CCDC171: variants seen among roughly 807,000 people sequenced by gnomAD.
CCDC171 encodes the protein coiled-coil domain-containing protein 171.
In CCDC171, 177 loss-of-function variants were observed where a neutral mutation model predicts 168.2. The ratio of observed to expected loss-of-function variants is 1.05; its 90% CI spans 0.93 to 1.19. The LOEUF (loss-of-function observed/expected upper bound fraction) is 1.19. Ranked by LOEUF, CCDC171 falls within the 50% of genes most tolerant of loss-of-function variation. CCDC171 has a pLI of 0.00. For synonymous variants in CCDC171, 687 were observed against 540.8 expected, an observed-to-expected ratio of 1.27 and a Z score of -3.75; for missense variants, 1,991 against 1,539.0, an observed-to-expected ratio of 1.29 and a Z score of -4.91.
chr9:15,906,893 A>T (rs1589077397), intron 24 of CCDC171, among the ~76,000 whole-genome samples: 1 of 152,192 alleles, frequency 6.6e-6, no homozygotes, highest in Admixed American at 6.5e-5. Flanking sequence ...ACAAGCAGAC[A>T]TCCAAATCAT....
At chr9:15,851,530 T>G (rs926269434) in intron 23 of CCDC171, among the ~76,000 whole-genome samples, 5 of 151,878 alleles carry the variant, frequency 3.3e-5, no homozygotes, top group South Asian at 2.1e-4. Flanking sequence ...AAACACACCC[T>G]TCTCTCTTGA....
At position 15,591,453 on chromosome 9, in the gene CCDC171, G is replaced by A. The variant is rs765528332; in HGVS notation, c.440G>A (p.Arg147Lys). Residue 147 changes from arginine to lysine, a missense_variant, in exon 5 of 26, where the codon AGA becomes AAA. By Grantham distance (26) the Arg-to-Lys change is conservative. Transcript: ENST00000380701. Reference sequence around the variant, plus strand: ...CAAAAATGGAAAGAAGAATGCAGAAGATTTGAACATGATTTGGAGGAAAGA... The same window carrying A: ...CAAAAATGGAAAGAAGAATGCAGAAAATTTGAACATGATTTGGAGGAAAGA... ...SQQKWKEECR[R>K]FEHDLEERDN... 38 of 1,608,510 alleles carry A rather than the reference G, an allele frequency of 2.4e-5. No individual in the cohort carries two copies. Among genetic ancestry groups the A allele is most frequent in the Non-Finnish European group, 3.1e-5 (36 of 1,176,948 alleles).
intron 5 of CCDC171, 72 bp from the exon 6 acceptor site, chr9:15,593,969 C>A: frequency 9.9e-7 from 1 of 1,014,806 alleles, no homozygotes; most frequent in Non-Finnish European, 1.5e-6. Context: ...CCTCTTTGTA[C>A]ATTTAAACTG....
chr9:15,810,077 G>C (rs145761785), intron 21 of CCDC171, among the ~76,000 whole-genome samples: 1 of 152,026 alleles, frequency 6.6e-6, no homozygotes, highest in African/African-American at 2.4e-5. Context: ...CACTAACCCC[G>C]AGCTAGACAC....
intron 6 of CCDC171, among the ~76,000 whole-genome samples, chr9:15,610,212 G>C (rs903138511): frequency 1.3e-5 from 2 of 150,504 alleles, no homozygotes; most frequent in Non-Finnish European, 3.0e-5. Context: ...TGATGGTCTT[G>C]TCTTCTTTTC....
intron 16 of CCDC171, among the ~76,000 whole-genome samples, chr9:15,732,599 C>G (rs2054220500): frequency 6.6e-6 from 1 of 152,092 alleles, no homozygotes; most frequent in Non-Finnish European, 1.5e-5. Flanking sequence ...ATTTGAGATT[C>G]AGTCACATTG....
chr9:15,662,476 C>T (rs2048390224), intron 8 of CCDC171, among the ~76,000 whole-genome samples: 1 of 152,150 alleles, frequency 6.6e-6, no homozygotes, highest in Non-Finnish European at 1.5e-5. Context: ...TTGCCTCACA[C>T]AGAGTTCCGT....
intron 23 of CCDC171, among the ~76,000 whole-genome samples, chr9:15,858,968 T>G (rs959317961): frequency 6.6e-6 from 1 of 152,072 alleles, no homozygotes; most frequent in African/African-American, 2.4e-5. Flanking sequence ...GTTCATGATT[T>G]TAGAGGAAAA....
chr9:15,799,165 T>TATATATATATAC (rs1323969229), intron 21 of CCDC171, among the ~76,000 whole-genome samples: 18 of 141,204 alleles, frequency 1.3e-4, no homozygotes, highest in African/African-American at 4.7e-4. Flanking sequence ...TATATATATA[T>TATATATATATAC]ACCATTTTGA....
At chr9:15,998,884 G>T (rs1275923397) in intron 3 of CCDC171, among the ~76,000 whole-genome samples, 1 of 152,142 alleles carries the variant, frequency 6.6e-6, no homozygotes, top group Admixed American at 6.5e-5. Flanking sequence ...ATCAGAACAG[G>T]AAAGATGGGT....
In CCDC171 at chr9:15,575,274, G is replaced by A. The variant is rs140928793; in HGVS notation, c.177+3515G>A. ...TGGTCTCGAACTCCTGGACTCAAGT[G>A]ATCTCCTACATCAGCCTCCTGAGGA... On this transcript the variant is annotated intron_variant, in intron 3 of 25. Coordinates refer to ENST00000380701, the MANE Select transcript of CCDC171 (RefSeq NM_173550.4). Among the ~76,000 whole-genome samples the A allele has an allele frequency of 2.0e-5, 3 of 147,476 alleles. No individual in the cohort carries two copies. In the East Asian group the frequency reaches 6.2e-4, roughly 30 times the overall value.
intron 16 of CCDC171, among the ~76,000 whole-genome samples, chr9:15,731,010 A>G (rs2054118228): frequency 6.6e-6 from 1 of 152,038 alleles, no homozygotes; most frequent in South Asian, 2.1e-4. Context: ...TAGAATGTGT[A>G]ATGCTCAAGC....
chr9:15,556,752 T>C (rs10810398), intron 1 of CCDC171, among the ~76,000 whole-genome samples: 61,923 of 150,626 alleles, frequency 0.41, 14,635 homozygotes, highest in East Asian at 0.83. Flanking sequence ...TAATTAGATC[T>C]CATTTGTCAA....
chr9:15,959,631 A>T (rs1830149913), intron 25 of CCDC171, among the ~76,000 whole-genome samples: 1 of 152,172 alleles, frequency 6.6e-6, no homozygotes, highest in African/African-American at 2.4e-5. Flanking sequence ...ATTTCAAACA[A>T]GTCTAGGCCT....
intron 25 of CCDC171, among the ~76,000 whole-genome samples, chr9:15,940,774 C>T (rs1827620860): frequency 6.6e-6 from 1 of 151,780 alleles, no homozygotes; most frequent in African/African-American, 2.4e-5. Flanking sequence ...GCCTCTAGTC[C>T]CAGCTACTCA....
chr9:15,610,072 T>A (rs1180739877), intron 6 of CCDC171, among the ~76,000 whole-genome samples: 2 of 152,104 alleles, frequency 1.3e-5, no homozygotes, highest in African/African-American at 2.4e-5. Flanking sequence ...ATTTCTAAGC[T>A]CATTCTTGTT....
chr9:15,691,980 T>C (rs2050834332), intron 10 of CCDC171, among the ~76,000 whole-genome samples: 1 of 152,206 alleles, frequency 6.6e-6, no homozygotes, highest in Non-Finnish European at 1.5e-5. Flanking sequence ...AGCCTTTCAC[T>C]GACCTGTGAG....
At chr9:15,690,531 C>G (rs1587978324) in intron 10 of CCDC171, among the ~76,000 whole-genome samples, 1 of 151,858 alleles carries the variant, frequency 6.6e-6, no homozygotes, top group East Asian at 1.9e-4. Flanking sequence ...TTAGATTGAT[C>G]AAAGAGCCAT....
chr9:16,069,475 G>T, the CCDC171 span, among the ~76,000 whole-genome samples: 2 of 152,232 alleles, frequency 1.3e-5, no homozygotes, highest in African/African-American at 4.8e-5. Flanking sequence ...GCGCCAGCGT[G>T]CGAGCCTCTC....
Sources: allele counts gnomAD v4.1 joint callset (sites outside exome capture counted in the v4.1 genomes callset), GRCh38; gene constraint gnomAD v4.1.1; transcripts MANE v1.5; gene names NCBI Gene and HGNC (gene_info 2026-07-23, HGNC 2026-07-21).